The following SMG9 variants were observed in gnomAD, a reference collection of about 807,000 sequenced individuals.
SMG9 encodes nonsense-mediated mRNA decay factor SMG9.
SMG9 carries 55 observed loss-of-function variants against 64.0 expected under a neutral mutation model. The ratio of observed to expected loss-of-function variants is 0.86; its 90% CI spans 0.69 to 1.08. The LOEUF is 1.08. Among genes scored for constraint, SMG9 ranks in the 50% least tolerant of loss-of-function variants. The pLI, the probability that SMG9 is intolerant of heterozygous loss-of-function variation, is 0.00. For missense variants in SMG9, 554 were observed against 681.3 expected, an observed-to-expected ratio of 0.81 and a Z score of 2.08; for synonymous variants, 244 against 254.8, an observed-to-expected ratio of 0.96 and a Z score of 0.41.
Position 43,754,862 on chromosome 19 carries a change from G to C in SMG9, c.-215C>G, listed in dbSNP as rs1272028071. ...GCCCCTAAGGAAAGCTGGGCCGAAG[G>C]AAGAAGAGGAGGAGGATGTAACGCG... On this transcript the variant is annotated 5_prime_UTR_variant, in exon 1 of 14. Transcript: ENST00000270066. 6.6e-6 allele frequency: 1 copy of C among 152,400 alleles called. No homozygotes were observed. The highest frequency in any genetic ancestry group is 1.5e-5 in the Non-Finnish European group (1 of 68,160). The allele number at this position is 152,400 out of a possible 1,614,324, so 9.4% of individuals were successfully genotyped here.
At chr19:43,751,813 G>A (rs1463022928) in intron 1 of SMG9, among the ~76,000 whole-genome samples, 1 of 152,218 alleles carries the variant, frequency 6.6e-6, no homozygotes, top group Admixed American at 6.5e-5. Flanking sequence ...AGGTTGGGGG[G>A]TTCCACGTTA....
At chr19:43,752,916 A>AAAAAAAAAAAAAAAAAAAAAAAAAG (rs1433797448) in intron 1 of SMG9, among the ~76,000 whole-genome samples, 5 of 148,756 alleles carry the variant, frequency 3.4e-5, no homozygotes, top group African/African-American at 1.3e-4. Flanking sequence ...AAAAAAAAAA[A>AAAAAAAAAAAAAAAAAAAAAAAAAG]GCAGAACCCT....
chr19:43,754,077 T>A (rs1008946492), intron 1 of SMG9, among the ~76,000 whole-genome samples: 1 of 152,168 alleles, frequency 6.6e-6, no homozygotes, highest in African/African-American at 2.4e-5. Flanking sequence ...AAATCGAATT[T>A]ACATATTTTT....
Position 43,740,231 on chromosome 19 carries a change from G to A in SMG9, c.702-13C>T, listed in dbSNP as rs1423175985. ...GAAAACATAAGTCCTGTGGAGAGGA[G>A]CAGGCAGGGGTGTGTGAGAGCTCTG... On this transcript the variant is annotated splice_polypyrimidine_tract_variant and intron_variant, in intron 6 of 13. Coordinates refer to ENST00000270066, the MANE Select transcript of SMG9 (RefSeq NM_019108.4). 1.3e-6 allele frequency: 2 copies of A among 1,581,704 alleles called. No homozygotes were observed. Among genetic ancestry groups the A allele is most frequent in the South Asian group, 2.2e-5 (2 of 90,464 alleles).
Position 43,728,020 on chromosome 19 carries a change from A to C in SMG9, c.*3576T>G, listed in dbSNP as rs1315317561. 6.6e-6 allele frequency: 1 copy of C among 152,174 alleles called. No homozygotes were observed. The highest frequency in any genetic ancestry group is 1.5e-5 in the Non-Finnish European group (1 of 68,034). 9.4% of individuals were successfully genotyped at this position (152,174 alleles called of 1,614,324 possible). A position where few individuals can be genotyped will look rare whatever the true frequency, so the allele number is the denominator to read the frequency against. ...AGTATGTATTGGCTCATTTATTTGC[A>C]AAGTTAGAGGATTGCAAAATGCTAT... On this transcript the variant is annotated 3_prime_UTR_variant, in exon 14 of 14. Transcript: ENST00000270066.
intron 6 of SMG9, among the ~76,000 whole-genome samples, chr19:43,741,941 A>G (rs1049442288): frequency 2.3e-4 from 35 of 152,104 alleles, no homozygotes; most frequent in African/African-American, 7.7e-4. Flanking sequence ...TGAGGTCAGG[A>G]GTTCAAGACC....
At chr19:43,748,265 G>A (rs1000710113) in intron 2 of SMG9, among the ~76,000 whole-genome samples, 1 of 152,210 alleles carries the variant, frequency 6.6e-6, no homozygotes, top group Non-Finnish European at 1.5e-5. Flanking sequence ...CAAAGCCCAG[G>A]CAGCCTGGCT....
Position 43,729,806 on chromosome 19 carries a change from C to T in SMG9, c.*1790G>A, listed in dbSNP as rs1002966534. On this transcript the variant is annotated 3_prime_UTR_variant, in exon 14 of 14. Coordinates refer to ENST00000270066, the MANE Select transcript of SMG9 (RefSeq NM_019108.4). ...TGGGGCAAAGGATTTAGAAGCATTT[C>T]GGTAAAAGGGCAGTGAATGTCACAG... The T allele has an allele frequency of 3.9e-5, 6 of 152,374 alleles. No homozygotes were observed. The highest frequency in any genetic ancestry group is 1.3e-4 in the Admixed American group (2 of 15,294). 9.4% of individuals were successfully genotyped at this position (152,374 alleles called of 1,614,324 possible). A position where few individuals can be genotyped will look rare whatever the true frequency, so the allele number is the denominator to read the frequency against.
intron 10 of SMG9, chr19:43,734,088 C>A: frequency 1.9e-6 from 1 of 535,674 alleles, no homozygotes; most frequent in East Asian, 3.1e-5. Context: ...ATGAACCCAA[C>A]CTAATACTCA....
intron 13 of SMG9, 127 bp from the exon 14 acceptor site, chr19:43,731,801 C>G (rs78670995): frequency 1.8e-6 from 2 of 1,125,966 alleles, no homozygotes; most frequent in Non-Finnish European, 2.5e-6. Flanking sequence ...CTCTTGGAAC[C>G]CAATCTCCTC....
rs1968949468 is a variant in SMG9 at position 43,744,787 on chromosome 19, GGA to G, written c.684_685del (p.Pro229ArgfsTer15). On this transcript the variant is annotated frameshift_variant, in exon 6 of 14. Coordinates refer to ENST00000270066, the MANE Select transcript of SMG9 (RefSeq NM_019108.4). LOFTEE classifies it high-confidence loss of function. ...AGCCCCTCACCTCTGGTCCTCCTCT[GGA>G]GTGTTGGCTGACAACAATGACATGA... is the stretch of plus-strand genomic sequence containing the variant. The G allele has an allele frequency of 6.2e-7, 1 of 1,613,484 alleles. No homozygotes were observed.
At chr19:43,745,357 GTTTT>G (rs935846532) in intron 5 of SMG9, among the ~76,000 whole-genome samples, 4 of 151,450 alleles carry the variant, frequency 2.6e-5, no homozygotes, top group African/African-American at 9.8e-5. Flanking sequence ...CTGTGTGTGT[GTTTT>G]TTTGTTTTTT....
Position 43,740,222 on chromosome 19 carries a change from T to C in SMG9, c.702-4A>G, listed in dbSNP as rs375038582. The C allele has an allele frequency of 4.4e-6, 7 of 1,607,016 alleles. No individual in the cohort carries two copies. In the African/African-American group the frequency reaches 9.4e-5, roughly 22 times the overall value. On this transcript the variant is annotated splice_polypyrimidine_tract_variant and splice_region_variant and intron_variant, in intron 6 of 13. Transcript: ENST00000270066. Reference sequence around the variant, plus strand: ...CTGGGCCCGGAAAACATAAGTCCTGTGGAGAGGAGCAGGCAGGGGTGTGTG... The same window carrying C: ...CTGGGCCCGGAAAACATAAGTCCTGCGGAGAGGAGCAGGCAGGGGTGTGTG...
Position 43,732,978 on chromosome 19 carries a change from G to C in SMG9, c.1364C>G (p.Ser455Cys), listed in dbSNP as rs553405361. ...GTGGCCACGATACCCAGGCAGCAGGGAGAAGAGTGGGCTGGAACCAGGTCC... is the reference window on the plus strand; with the variant it reads ...GTGGCCACGATACCCAGGCAGCAGGCAGAAGAGTGGGCTGGAACCAGGTCC... The part of the protein sequence containing the change: ...RAGPGSSPLF[S>C]LLPGYRGHPS... Residue 455 changes from serine (S) to cysteine (C), a missense_variant, in exon 13 of 14, where the codon TCC becomes TGC. Ser to Cys is a moderately radical substitution (Grantham distance 112, BLOSUM62 -1). Coordinates refer to ENST00000270066, the MANE Select transcript of SMG9 (RefSeq NM_019108.4). The C allele has an allele frequency of 6.2e-7, 1 of 1,613,214 alleles. No homozygotes were observed. The highest frequency in any genetic ancestry group is 1.3e-5 in the African/African-American group (1 of 74,996).
intron 7 of SMG9, among the ~76,000 whole-genome samples, chr19:43,739,162 A>G (rs1968767372): frequency 1.3e-5 from 2 of 152,040 alleles, no homozygotes; most frequent in African/African-American, 4.8e-5. Flanking sequence ...AGGGCTTCTG[A>G]GAGGAGGCCA....
chr19:43,746,489 G>T (rs977192010), intron 5 of SMG9, among the ~76,000 whole-genome samples: 10 of 151,932 alleles, frequency 6.6e-5, no homozygotes, highest in African/African-American at 2.4e-4. Context: ...TCTGTTTTTT[G>T]TTTTTTTAAA....
rs534221014 is a variant in SMG9, at chr19:43,747,504, G to A, written c.526C>T (p.Arg176Cys). The part of the protein sequence containing the change: ...VGQAKLLPPE[R>C]MKHSIKLVDD... Reference sequence around the variant, plus strand: ...ACCAACTTGATGCTGTGCTTCATGCGCTCTGGGGGCAGTAGTTTGGCCTGA... The same window carrying A: ...ACCAACTTGATGCTGTGCTTCATGCACTCTGGGGGCAGTAGTTTGGCCTGA... Residue 176 changes from arginine (R) to cysteine (C), a missense_variant, in exon 5 of 14, where the codon CGC becomes TGC. Physicochemically the swap from Arg to Cys is radical, Grantham distance 180. Coordinates refer to ENST00000270066, the MANE Select transcript of SMG9 (RefSeq NM_019108.4). 3.3e-5 allele frequency: 54 copies of A among 1,614,176 alleles called. No homozygotes were observed. The highest frequency in any genetic ancestry group is 6.7e-5 in the East Asian group (3 of 44,886).
chr19:43,738,132 A>G lies in SMG9; in HGVS notation c.899T>C (p.Val300Ala), dbSNP rs988342012. ...GCTTGGCTCCCTCACCTGCATTTCA[A>G]CGTAAGTGTGGGGAAGGTTGTACTC... ...PPEYNLPHTY[V>A]EMQSLQIAAF... The change falls in exon 8 of 14, where the codon GTT becomes GCT. Residue 300 changes from valine to alanine, a missense_variant. Physicochemically the swap from Val to Ala is moderately conservative, Grantham distance 64. Transcript: ENST00000270066. The G allele has an allele frequency of 6.2e-7, 1 of 1,614,034 alleles. No individual in the cohort carries two copies.
intron 9 of SMG9, chr19:43,734,701 T>C (rs908367976): frequency 2.2e-6 from 1 of 446,922 alleles, no homozygotes; most frequent in Non-Finnish European, 4.0e-6. Context: ...CTGTATAAAT[T>C]CTTTGAGTTT....
Sources: allele counts gnomAD v4.1 joint callset (sites outside exome capture counted in the v4.1 genomes callset), GRCh38; gene constraint gnomAD v4.1.1; transcripts MANE v1.5; gene names NCBI Gene and HGNC (gene_info 2026-07-23, HGNC 2026-07-21).